ECT2L: variants seen among roughly 807,000 people sequenced by gnomAD.
The protein encoded by ECT2L is epithelial cell-transforming sequence 2 oncogene-like.
Under a neutral mutation model 122.8 loss-of-function variants are expected in ECT2L, and 126 were observed. The ratio of observed to expected loss-of-function variants is 1.03; its 90% CI spans 0.89 to 1.19. The LOEUF (loss-of-function observed/expected upper bound fraction) is 1.19. ECT2L is among the 50% of genes most tolerant of loss of function. The pLI is 0.00. For missense variants in ECT2L, 1,012 were observed against 1,064.1 expected (o/e 0.95, Z 0.68); for synonymous variants, 385 against 381.8 (o/e 1.01, Z -0.10).
intron 1 of ECT2L, among the ~76,000 whole-genome samples, chr6:138,811,487 C>CCTAT (rs1775892365): frequency 6.6e-6 from 1 of 152,068 alleles, no homozygotes; most frequent in Admixed American, 6.6e-5. Context: ...ATTGTATTTG[C>CCTAT]AGATAGTGCC....
At chr6:138,800,709 G>T (rs1291684724) in intron 1 of ECT2L, among the ~76,000 whole-genome samples, 7 of 152,120 alleles carry the variant, frequency 4.6e-5, no homozygotes, top group African/African-American at 9.7e-5. Context: ...GAAGGAATTT[G>T]TTTTTTTCTT....
chr6:138,844,233 C>G lies in ECT2L; in HGVS notation c.596-179C>G, dbSNP rs543301702. Among the ~76,000 whole-genome samples the G allele has an allele frequency of 2.6e-5, 4 of 152,302 alleles. No homozygotes were observed. The East Asian group carries it at 7.7e-4, about 29-fold the overall frequency. On this transcript the variant is annotated intron_variant, in intron 6 of 21. Coordinates refer to ENST00000541398, the MANE Select transcript of ECT2L (RefSeq NM_001077706.3). ...TTTCTTGACCTGAAATGACCGGTAG[C>G]TCACAGCCACAGTGCCAAGAGGATG...
intron 4 of ECT2L, chr6:138,822,661 G>C: frequency 8.2e-7 from 1 of 1,224,330 alleles, no homozygotes; most frequent in South Asian, 1.6e-5. Context: ...CAAGATGGCC[G>C]AATAGGAACA....
At chr6:138,848,562 T>C (rs1174343011) in intron 8 of ECT2L, among the ~76,000 whole-genome samples, 1 of 152,170 alleles carries the variant, frequency 6.6e-6, no homozygotes, top group Non-Finnish European at 1.5e-5. Flanking sequence ...TGTAACAAAA[T>C]AGCTCCTTTT....
intron 5 of ECT2L, among the ~76,000 whole-genome samples, chr6:138,839,076 G>A (rs554225990): frequency 2.0e-3 from 302 of 152,260 alleles, no homozygotes; most frequent in Admixed American, 0.015. Context: ...CACCGCACCC[G>A]GCCAAGGAGT....
At chr6:138,860,127 A>C (rs1777771076) in intron 10 of ECT2L, among the ~76,000 whole-genome samples, 1 of 152,134 alleles carries the variant, frequency 6.6e-6, no homozygotes, top group African/African-American at 2.4e-5. Context: ...GCCCAGCCTG[A>C]AGCACAGTTC....
intron 13 of ECT2L, among the ~76,000 whole-genome samples, chr6:138,871,825 AAAC>A (rs1778265637): frequency 6.6e-6 from 1 of 151,910 alleles, no homozygotes; most frequent in Non-Finnish European, 1.5e-5. Flanking sequence ...AAACAAAAAA[AAAC>A]AAAACAACAA....
chr6:138,887,558 T>C (rs1278277004), intron 19 of ECT2L, among the ~76,000 whole-genome samples: 1 of 152,172 alleles, frequency 6.6e-6, no homozygotes, highest in African/African-American at 2.4e-5. Context: ...CTGCATATGA[T>C]ACCTGGTGCA....
intron 19 of ECT2L, among the ~76,000 whole-genome samples, chr6:138,887,178 A>T (rs1778854157): frequency 6.6e-6 from 1 of 151,872 alleles, no homozygotes; most frequent in Non-Finnish European, 1.5e-5. Flanking sequence ...CTGTGATCAC[A>T]ATGCCCTGTG....
In ECT2L at chr6:138,833,670, C is replaced by A. The variant is rs188207732; in HGVS notation, c.180-4682C>A. 4.4e-3 allele frequency among the ~76,000 whole-genome samples: 675 copies of A among 152,178 alleles called. 3 individuals carry two copies. The highest frequency in any genetic ancestry group is 0.016 in the African/African-American group (654 of 41,510). On this transcript the variant is annotated intron_variant, in intron 4 of 21. Coordinates refer to ENST00000541398, the MANE Select transcript of ECT2L (RefSeq NM_001077706.3). ...TACAAAAATTAGCCGGGCTTGGTGG[C>A]ATGCACCTGTAATCCCAGCTGCTCA... is the stretch of plus-strand genomic sequence containing the variant.
intron 4 of ECT2L, among the ~76,000 whole-genome samples, chr6:138,828,142 T>A (rs895239790): frequency 1.3e-5 from 2 of 152,130 alleles, no homozygotes; most frequent in Admixed American, 6.6e-5. Flanking sequence ...GGACTATTTT[T>A]AAAAATATAA....
intron 5 of ECT2L, among the ~76,000 whole-genome samples, chr6:138,841,636 T>G (rs1251811599): frequency 3.3e-5 from 5 of 152,342 alleles, no homozygotes; most frequent in Non-Finnish European, 5.9e-5. Flanking sequence ...TAGTCATAAC[T>G]TTCTGTTCTG....
At chr6:138,893,641 C>T (rs367687392) in intron 20 of ECT2L, among the ~76,000 whole-genome samples, 99 of 152,106 alleles carry the variant, frequency 6.5e-4, no homozygotes, top group African/African-American at 2.2e-3. Flanking sequence ...AGGCTGGTCT[C>T]GAACTCCTGA....
At chr6:138,895,458 C>T (rs2128413561) in intron 20 of ECT2L, among the ~76,000 whole-genome samples, 1 of 152,266 alleles carries the variant, frequency 6.6e-6, no homozygotes, top group Admixed American at 6.5e-5. Flanking sequence ...AACCAGGTCT[C>T]CCAGTGCACA....
In ECT2L at chr6:138,882,792, T is replaced by A; in HGVS notation, c.1949T>A (p.Val650Asp). The stretch of plus-strand genomic sequence containing the variant: ...CCAGCTCACTGTGTGGGAGAAATAG[T>A]CACGAAGTTTGGAAGCCAGTTAAAC... ...WGPAHCVGEIVTKFGSQLNTY... is the reference protein window; with the variant it reads ...WGPAHCVGEIDTKFGSQLNTY... Residue 650 changes from valine (V) to aspartate (D), a missense_variant, in exon 16 of 22, where the codon GTC becomes GAC. Val to Asp is a radical substitution (Grantham distance 152). Transcript: ENST00000541398. 1 of 1,614,190 alleles carries A rather than the reference T, an allele frequency of 6.2e-7. No homozygotes were observed. The highest frequency in any genetic ancestry group is 8.5e-7 in the Non-Finnish European group (1 of 1,180,030).
At position 138,865,026 on chromosome 6, in the gene ECT2L, G is replaced by A. The variant is rs746071732; in HGVS notation, c.1322G>A (p.Gly441Glu). The change falls in exon 12 of 22, where the codon GGA becomes GAA. Residue 441 changes from glycine to glutamate, a missense_variant. Gly to Glu is a moderately conservative substitution (Grantham distance 98). Coordinates refer to ENST00000541398, the MANE Select transcript of ECT2L (RefSeq NM_001077706.3). ...AGTGATTGGCTGGGATCCCAATGGG[G>A]AAAGGCCCCCTCTTCCATCTACTTC... ...ILSDWLGSQW[G>E]KAPSSIYFCE... is the part of the protein sequence containing the mutation. 4.3e-6 allele frequency: 7 copies of A among 1,613,654 alleles called. No individual in the cohort carries two copies. In the East Asian group the frequency reaches 1.6e-4, roughly 36 times the overall value.
intron 5 of ECT2L, among the ~76,000 whole-genome samples, chr6:138,842,765 C>CTT (rs1387851689): frequency 6.6e-6 from 1 of 152,182 alleles, no homozygotes; most frequent in Non-Finnish European, 1.5e-5. Context: ...GAGTGAGACT[C>CTT]TGTCTCAAAA....
At chr6:138,892,194 A>T (rs1198257045) in intron 20 of ECT2L, among the ~76,000 whole-genome samples, 1 of 151,960 alleles carries the variant, frequency 6.6e-6, no homozygotes, top group East Asian at 1.9e-4. Context: ...GCTTCTGTTG[A>T]CATATCTTCA....
intron 5 of ECT2L, among the ~76,000 whole-genome samples, chr6:138,842,587 C>T (rs971797300): frequency 2.0e-5 from 3 of 151,988 alleles, no homozygotes; most frequent in South Asian, 2.1e-4. Context: ...CTGGCTAACA[C>T]GGTGAAACCT....
Sources: allele counts gnomAD v4.1 joint callset (sites outside exome capture counted in the v4.1 genomes callset), GRCh38; gene constraint gnomAD v4.1.1; transcripts MANE v1.5; gene names NCBI Gene and HGNC (gene_info 2026-07-23, HGNC 2026-07-21).